Variants in OXNAD1 observed in about 807,000 individuals in gnomAD.
OXNAD1 encodes oxidoreductase NAD-binding domain-containing protein 1.
Under a neutral mutation model 32.9 loss-of-function variants are expected in OXNAD1, and 34 were observed. The observed-to-expected ratio is 1.03, with a 90% CI of 0.79 to 1.38. The LOEUF is 1.38. Ranked by LOEUF, OXNAD1 falls within the 40% of genes most tolerant of loss-of-function variation. OXNAD1 has a pLI of 0.00. For missense variants in OXNAD1, 407 were observed against 379.4 expected (o/e 1.07, Z -0.60); for synonymous variants, 134 against 135.2 (o/e 0.99, Z 0.06).
At chr3:16,337,699 G>A (rs1229323709), downstream of OXNAD1, among the ~76,000 whole-genome samples, 52 of 145,584 alleles carry the variant, frequency 3.6e-4, no homozygotes, top group Non-Finnish European at 6.1e-4. The surrounding 1 kb of genome is among the most constrained non-coding windows in gnomAD (Gnocchi z 5.0). Flanking sequence ...CCCAGATTGC[G>A]CCACTGCACT....
In OXNAD1 at chr3:16,269,278, A is replaced by G. The variant is rs1183734892; in HGVS notation, c.-9+3A>G. On this transcript the variant is annotated splice_donor_region_variant and intron_variant, in intron 2 of 8. Coordinates refer to ENST00000285083, the MANE Select transcript of OXNAD1 (RefSeq NM_138381.5). ...CTAAAATCTCGTGGACTTCTAAGGT[A>G]AGTTTCAACTTCTTTCTTTCAGGGA... 1 of 1,534,772 alleles carries G rather than the reference A, an allele frequency of 6.5e-7. No individual in the cohort carries two copies. Among genetic ancestry groups the G allele is most frequent in the East Asian group, 2.4e-5 (1 of 40,886 alleles).
chr3:16,317,200 G>C lies in OXNAD1; in HGVS notation c.*30+13608G>C, dbSNP rs753546296. On this transcript the variant is annotated intron_variant, in intron 9 of 9. Coordinates refer to the OXNAD1 transcript ENST00000435829. The surrounding 1 kb of genome is among the most constrained non-coding windows in gnomAD (Gnocchi z 4.3). ...CTTTTGATTTCCTCATCTGCCTGTT[G>C]TGCATTTCTTCTCTGGAGAATCGCC... 13 of 1,613,002 alleles carry C rather than the reference G, an allele frequency of 8.1e-6. No homozygotes were observed. The highest frequency in any genetic ancestry group is 1.1e-5 in the Non-Finnish European group (13 of 1,179,954).
downstream of OXNAD1, among the ~76,000 whole-genome samples, chr3:16,310,752 G>A (rs1353019419): frequency 1.3e-5 from 2 of 152,084 alleles, no homozygotes; most frequent in Non-Finnish European, 2.9e-5. Flanking sequence ...CACTTTGGGA[G>A]GCCAAGGTGG....
chr3:16,265,985 T>C lies in OXNAD1; in HGVS notation c.-159+480T>C, dbSNP rs1261919894. The C allele has an allele frequency of 1.2e-6, 1 of 834,412 alleles. No individual in the cohort carries two copies. Among genetic ancestry groups the C allele is most frequent in the East Asian group, 1.2e-4 (1 of 8,070 alleles). 51.7% of individuals were successfully genotyped at this position (834,412 alleles called of 1,614,324 possible). Reference sequence around the variant, plus strand: ...ATTTTTGTCTTGAAAGCAGTGCTAGTGCCTGTTTTGGTAAAACCGATTACA... The same window carrying C: ...ATTTTTGTCTTGAAAGCAGTGCTAGCGCCTGTTTTGGTAAAACCGATTACA... On this transcript the variant is annotated intron_variant, in intron 1 of 8. Transcript: ENST00000285083. The surrounding 1 kb of genome is among the most constrained non-coding windows in gnomAD (Gnocchi z 4.8).
At chr3:16,272,199 C>T (rs541113363) in intron 4 of OXNAD1, 22 of 449,640 alleles carry the variant, frequency 4.9e-5, no homozygotes, top group South Asian at 2.4e-4. Flanking sequence ...GGAAAGTGGA[C>T]GAGCTCTTGT....
intron 1 of OXNAD1, among the ~76,000 whole-genome samples, chr3:16,267,681 A>G (rs2064629511): frequency 6.6e-6 from 1 of 152,116 alleles, no homozygotes; most frequent in African/African-American, 2.4e-5. Flanking sequence ...TACTCCCTTT[A>G]TCATACTCAT....
chr3:16,324,238 G>A (rs1009203623), intron 9 of OXNAD1, among the ~76,000 whole-genome samples: 1 of 152,108 alleles, frequency 6.6e-6, no homozygotes, highest in Non-Finnish European at 1.5e-5. Context: ...GATTAAATCA[G>A]GCTACTTAAC....
Position 16,298,539 on chromosome 3 carries a change from A to G in OXNAD1, c.433-3087A>G, listed in dbSNP as rs2066961399. ...CCAGTGGGAGTTGCAAACAGCCTTTATGAAGTCAGATTTTTCTTGGAATCA... is the reference window on the plus strand; with the variant it reads ...CCAGTGGGAGTTGCAAACAGCCTTTGTGAAGTCAGATTTTTCTTGGAATCA... On this transcript the variant is annotated intron_variant, in intron 6 of 8. Transcript: ENST00000285083. The surrounding 1 kb of genome is among the most constrained non-coding windows in gnomAD (Gnocchi z 5.1). 6.6e-6 allele frequency among the ~76,000 whole-genome samples: 1 copy of G among 152,136 alleles called. No individual in the cohort carries two copies. Among genetic ancestry groups the G allele is most frequent in the African/African-American group, 2.4e-5 (1 of 41,430 alleles).
Position 16,344,816 on chromosome 3 carries a change from A to T in OXNAD1, c.*31-4360A>T, listed in dbSNP as rs936537363. Among the ~76,000 whole-genome samples the T allele has an allele frequency of 2.0e-5, 3 of 152,312 alleles. No homozygotes were observed. Among genetic ancestry groups the T allele is most frequent in the Non-Finnish European group, 4.4e-5 (3 of 68,022 alleles). ...TTGTATTAAAAGCCTTGGCCAGGTG[A>T]ATTTCAAAGAACATATTTCAAGGAG... On this transcript the variant is annotated intron_variant, in intron 9 of 9. Transcript: ENST00000606098. This position sits in a 1 kb window ranked among gnomAD's most constrained non-coding sequence, Gnocchi z 4.4.
At chr3:16,326,773 C>G (rs1031548243) in intron 9 of OXNAD1, 7 of 1,611,830 alleles carry the variant, frequency 4.3e-6, no homozygotes, top group Non-Finnish European at 5.9e-6. Context: ...TTATTGTTAC[C>G]TGGTAGTCTT....
rs2066868525 is a variant in OXNAD1 at position 16,297,328 on chromosome 3, A to G, written c.432+2331A>G. On this transcript the variant is annotated intron_variant, in intron 6 of 8. Transcript: ENST00000285083. The surrounding 1 kb of genome is among the most constrained non-coding windows in gnomAD (Gnocchi z 4.3). ...TCTAGTCTAATGTCTAAAATTAAAA[A>G]TATTGACAATACCAAGCGTTGGCAA... Among the ~76,000 whole-genome samples the G allele has an allele frequency of 6.6e-6, 1 of 152,234 alleles. No homozygotes were observed. The highest frequency in any genetic ancestry group is 2.4e-5 in the African/African-American group (1 of 41,466).
Position 16,299,493 on chromosome 3 carries a change from A to AT in OXNAD1, c.433-2127dup, listed in dbSNP as rs1475364099. Among the ~76,000 whole-genome samples the AT allele has an allele frequency of 2.6e-5, 4 of 152,158 alleles. No individual in the cohort carries two copies. Among genetic ancestry groups the AT allele is most frequent in the Non-Finnish European group, 5.9e-5 (4 of 68,022 alleles). ...ATATTTAAAATAGTGAGGTTCAGAC[A>AT]TTTTTTCCCCTGAAAGAGTATCCAT... On this transcript the variant is annotated intron_variant, in intron 6 of 8. Coordinates refer to ENST00000285083, the MANE Select transcript of OXNAD1 (RefSeq NM_138381.5). The surrounding 1 kb of genome is among the most constrained non-coding windows in gnomAD (Gnocchi z 4.4).
rs559188796 is a variant in OXNAD1, at chr3:16,336,507, G to A, written c.*31-605G>A. Among the ~76,000 whole-genome samples, 8 of 152,196 alleles carry A rather than the reference G, an allele frequency of 5.3e-5. No homozygotes were observed. The highest frequency in any genetic ancestry group is 9.7e-5 in the African/African-American group (4 of 41,442). On this transcript the variant is annotated intron_variant, in intron 9 of 9. Coordinates refer to the OXNAD1 transcript ENST00000435829. This position sits in a 1 kb window ranked among gnomAD's most constrained non-coding sequence, Gnocchi z 6.0. ...CTCTGCGGGAGGGAGGGACAGGCACGCTGGCCGGCTAGAGATGTTGTTTTC... is the reference window on the plus strand; with the variant it reads ...CTCTGCGGGAGGGAGGGACAGGCACACTGGCCGGCTAGAGATGTTGTTTTC...
At chr3:16,328,042 T>A (rs2069909054) in intron 9 of OXNAD1, among the ~76,000 whole-genome samples, 1 of 152,214 alleles carries the variant, frequency 6.6e-6, no homozygotes, top group Admixed American at 6.5e-5. Flanking sequence ...CCCACATAGT[T>A]CATTTATCAG....
chr3:16,290,749 A>C lies in OXNAD1; in HGVS notation c.291-4107A>C, dbSNP rs889871960. Among the ~76,000 whole-genome samples the C allele has an allele frequency of 1.4e-4, 21 of 152,242 alleles. No individual in the cohort carries two copies. The highest frequency in any genetic ancestry group is 5.1e-4 in the African/African-American group (21 of 41,468). On this transcript the variant is annotated intron_variant, in intron 5 of 8. Transcript: ENST00000285083. The surrounding 1 kb of genome is among the most constrained non-coding windows in gnomAD (Gnocchi z 4.2). ...CAAAGACCTTTTCTGGAGCACTTCC[A>C]ATCCAGAACTGGTTTTTAAACACTT...
At position 16,271,520 on chromosome 3, in the gene OXNAD1, G is replaced by A. The variant is rs1001374567; in HGVS notation, c.120-139G>A. 1.6e-5 allele frequency: 11 copies of A among 687,338 alleles called. No homozygotes were observed. Among genetic ancestry groups the A allele is most frequent in the East Asian group, 9.4e-5 (3 of 31,994 alleles). The allele number at this position is 687,338 out of a possible 1,614,324, so 42.6% of individuals were successfully genotyped here. A position where few individuals can be genotyped will look rare whatever the true frequency, so the allele number is the denominator to read the frequency against. On this transcript the variant is annotated intron_variant, in intron 3 of 8. Coordinates refer to ENST00000285083, the MANE Select transcript of OXNAD1 (RefSeq NM_138381.5). The surrounding 1 kb of genome is among the most constrained non-coding windows in gnomAD (Gnocchi z 4.6). ...TGCCCGGCCAAAACTTTAGTTAGAC[G>A]GGCAGATACTCACTGGCCATTTTAT...
chr3:16,324,622 C>CCCA (rs1485216643), intron 9 of OXNAD1, among the ~76,000 whole-genome samples: 1 of 135,166 alleles, frequency 7.4e-6, no homozygotes, highest in Non-Finnish European at 1.7e-5. Flanking sequence ...GACCCCCCCC[C>CCCA]TTTTAAGGTT....
At position 16,305,097 on chromosome 3, in the gene OXNAD1, G is replaced by A. The variant is rs1254899198; in HGVS notation, c.*1535G>A. 6.6e-6 allele frequency: 1 copy of A among 152,264 alleles called. No individual in the cohort carries two copies. The highest frequency in any genetic ancestry group is 1.5e-5 in the Non-Finnish European group (1 of 68,098). The allele number at this position is 152,264 out of a possible 1,614,324, so 9.4% of individuals were successfully genotyped here. A position where few individuals can be genotyped will look rare whatever the true frequency, so the allele number is the denominator to read the frequency against. Reference sequence around the variant, plus strand: ...TACAAGGAGCCCTGACTTACCAGTTGGCCCCAAAGTGCCCAGGCTGAGGGC... The same window carrying A: ...TACAAGGAGCCCTGACTTACCAGTTAGCCCCAAAGTGCCCAGGCTGAGGGC... On this transcript the variant is annotated 3_prime_UTR_variant, in exon 9 of 9. Coordinates refer to ENST00000285083, the MANE Select transcript of OXNAD1 (RefSeq NM_138381.5). The surrounding 1 kb of genome is among the most constrained non-coding windows in gnomAD (Gnocchi z 4.5).
At chr3:16,276,483 C>T in intron 4 of OXNAD1, 1 of 178,256 alleles carries the variant, frequency 5.6e-6, no homozygotes, top group South Asian at 1.4e-4. Context: ...TACATAGTAA[C>T]TGGTATTTAC....
Sources: gnomAD v4.1 joint callset for allele counts (sites outside exome capture counted in the v4.1 genomes callset) on GRCh38, gnomAD v4.1.1 for gene constraint, Gnocchi (gnomAD v3.1) non-coding constraint, MANE v1.5 for transcripts, NCBI Gene and HGNC (gene_info 2026-07-23, HGNC 2026-07-21) for gene names.